Variants in PHKA2 observed in about 807,000 individuals in gnomAD.
PHKA2 encodes the protein phosphorylase kinase regulatory subunit alpha 2.
A neutral mutation model predicts 102.0 loss-of-function variants in PHKA2; 31 were observed. The ratio of observed to expected loss-of-function variants is 0.30; its 90% CI spans 0.23 to 0.41. The LOEUF (loss-of-function observed/expected upper bound fraction) is 0.41, where lower values mean the gene tolerates loss of function less well. PHKA2 is among the 10% of genes least tolerant of loss of function. The pLI is 1.00. For missense variants in PHKA2, 858 were observed against 1,023.1 expected (o/e 0.84, Z 2.20); for synonymous variants, 455 against 416.2 (o/e 1.09, Z -1.13).
In PHKA2 at chrX:18,892,706, T is replaced by TAAAC. The variant is rs1229702309; in HGVS notation, c.*775_*778dup. 7 of 111,277 alleles carry TAAAC rather than the reference T, an allele frequency of 6.3e-5. No individual in the cohort carries two copies. Among genetic ancestry groups the TAAAC allele is most frequent in the Non-Finnish European group, 9.3e-5 (5 of 53,543 alleles). 9.2% of individuals were successfully genotyped at this position (111,277 alleles called of 1,213,427 possible). On this transcript the variant is annotated 3_prime_UTR_variant, in exon 33 of 33. Coordinates refer to ENST00000379942, the MANE Select transcript of PHKA2 (RefSeq NM_000292.3). ...CGAGCGGGGACAACAGGTCTAGCCC[T>TAAAC]AAACAACTGCTTGCCTGGCTATAAG...
Position 18,948,732 on chromosome X carries a change from G to T in PHKA2, c.537+12C>A, listed in dbSNP as rs777999140. The T allele has an allele frequency of 1.8e-6, 2 of 1,090,964 alleles. No individual in the cohort carries two copies. The highest frequency in any genetic ancestry group is 2.5e-6 in the Non-Finnish European group (2 of 788,543). The allele number at this position is 1,090,964 out of a possible 1,213,427, so 89.9% of individuals were successfully genotyped here. ...TGGAACATCTGAAAAGACTACCAGG[G>T]TTGATACTTACAGCGACTTTATATG... On this transcript the variant is annotated intron_variant, in intron 5 of 32. Coordinates refer to ENST00000379942, the MANE Select transcript of PHKA2 (RefSeq NM_000292.3).
intron 1 of PHKA2, among the ~76,000 whole-genome samples, chrX:18,975,596 G>A (rs2049077755): frequency 8.9e-6 from 1 of 112,324 alleles, no homozygotes; most frequent in Non-Finnish European, 1.9e-5. Flanking sequence ...CTCCATTGCA[G>A]TAAATGGTAA....
At chrX:18,946,730 T>C (rs1204879932) in intron 5 of PHKA2, among the ~76,000 whole-genome samples, 1 of 110,395 alleles carries the variant, frequency 9.1e-6, no homozygotes, top group African/African-American at 3.3e-5. Flanking sequence ...ATCTCCTCCC[T>C]TCTGCTGATC....
chrX:18,967,192 T>C, intron 1 of PHKA2, among the ~76,000 whole-genome samples: 1 of 111,115 alleles, frequency 9.0e-6, no homozygotes, highest in Non-Finnish European at 1.9e-5. Flanking sequence ...GGGTCACTCT[T>C]GACAGAGAGG....
chrX:18,931,504 G>A (rs890514258), intron 12 of PHKA2, 137 bp downstream of exon 12: 2 of 556,193 alleles, frequency 3.6e-6, no homozygotes, highest in South Asian at 2.3e-5. Flanking sequence ...GAGCCAACAC[G>A]GTCCAGTTGA....
chrX:18,894,900 CAA>C, intron 31 of PHKA2: 2 of 438,591 alleles, frequency 4.6e-6, no homozygotes, highest in Non-Finnish European at 4.0e-6. Flanking sequence ...CTGGCAAATG[CAA>C]AGAGCTTGCT....
intron 13 of PHKA2, 26 bp from the exon 14 acceptor site, chrX:18,926,613 G>T (rs769415402): frequency 8.4e-7 from 1 of 1,193,701 alleles, no homozygotes; most frequent in Non-Finnish European, 1.1e-6. Flanking sequence ...CAGAATGAGC[G>T]TTAGCTCATG....
At chrX:18,909,509 T>C (rs1486989559) in intron 20 of PHKA2, among the ~76,000 whole-genome samples, 1 of 111,920 alleles carries the variant, frequency 8.9e-6, no homozygotes, top group Non-Finnish European at 1.9e-5. Flanking sequence ...AAATAGCCCA[T>C]ATCACCAGAG....
intron 11 of PHKA2, among the ~76,000 whole-genome samples, chrX:18,932,208 G>A (rs1427609604): frequency 8.9e-6 from 1 of 112,210 alleles, no homozygotes; most frequent in Non-Finnish European, 1.9e-5. Flanking sequence ...ATTTACCGAG[G>A]AAAAACACTT....
At chrX:18,907,605 G>T (rs1196509598) in intron 22 of PHKA2, among the ~76,000 whole-genome samples, 1 of 111,775 alleles carries the variant, frequency 8.9e-6, no homozygotes, top group Non-Finnish European at 1.9e-5. Flanking sequence ...TACTGTGGAT[G>T]TGTGAAAAAA....
At chrX:18,975,935 C>A (rs1465319639) in intron 1 of PHKA2, among the ~76,000 whole-genome samples, 1 of 105,676 alleles carries the variant, frequency 9.5e-6, no homozygotes, top group Non-Finnish European at 1.9e-5. Flanking sequence ...CCTCTCAGGG[C>A]TTCCCTTCTC....
intron 30 of PHKA2, 58 bp from the exon 31 acceptor site, chrX:18,895,249 TGCAC>T: frequency 9.5e-7 from 1 of 1,053,761 alleles, no homozygotes; most frequent in Non-Finnish European, 1.3e-6. Flanking sequence ...AGCACATGCA[TGCAC>T]ACACAGGCGT....
intron 15 of PHKA2, among the ~76,000 whole-genome samples, chrX:18,925,455 T>A (rs1266767378): frequency 2.7e-5 from 3 of 112,173 alleles, no homozygotes; most frequent in Non-Finnish European, 3.8e-5. Flanking sequence ...TGAATTTCAC[T>A]AATATTCATG....
chrX:18,948,469 G>C (rs1275826568), intron 5 of PHKA2, among the ~76,000 whole-genome samples: 1 of 111,598 alleles, frequency 9.0e-6, no homozygotes, highest in Admixed American at 9.5e-5. Flanking sequence ...GCGAGACTCT[G>C]TTTAAAAATA....
chrX:18,963,351 G>A (rs1272010867), intron 1 of PHKA2, among the ~76,000 whole-genome samples: 1 of 112,188 alleles, frequency 8.9e-6, no homozygotes, highest in Non-Finnish European at 1.9e-5. Flanking sequence ...GGAAAAGCTT[G>A]CTTTCTGTGG....
intron 30 of PHKA2, 140 bp from the exon 31 acceptor site, chrX:18,895,331 G>GTTAT (rs1422861402): frequency 7.1e-6 from 4 of 560,576 alleles, no homozygotes; most frequent in Non-Finnish European, 9.4e-6. Context: ...GACTGTCAGA[G>GTTAT]TTATTTTTAG....
chrX:18,973,149 CCCA>C (rs779079136), intron 1 of PHKA2, among the ~76,000 whole-genome samples: 285 of 110,863 alleles, frequency 2.6e-3, no homozygotes, highest in Non-Finnish European at 4.4e-3. Context: ...ATTACAGGCG[CCCA>C]CCACCACATC....
chrX:18,949,660 C>T (rs1048714192), intron 4 of PHKA2, among the ~76,000 whole-genome samples: 3 of 112,089 alleles, frequency 2.7e-5, no homozygotes, highest in Non-Finnish European at 3.8e-5. Flanking sequence ...CTTGTTATAA[C>T]GCTACGTAAT....
Position 18,893,600 on chromosome X carries a change from T to C in PHKA2, c.3593A>G (p.His1198Arg). 8.3e-7 allele frequency: 1 copy of C among 1,211,564 alleles called. No homozygotes were observed. The highest frequency in any genetic ancestry group is 3.0e-5 in the East Asian group (1 of 33,848). The change falls in exon 33 of 33, where the codon CAC (histidine) becomes CGC (arginine). Residue 1198 changes from histidine (H) to arginine (R), a missense_variant. Physicochemically the swap from His to Arg is conservative, Grantham distance 29. This residue lies in a region of PHKA2 where 671 missense variants were observed against 745.2 expected (regional missense o/e 0.90). Transcript: ENST00000379942. The part of the protein sequence containing the change: ...LEKDQATGIC[H>R]FFYDSAPSGA... ...ACTCGGAGCGCTGTCATAAAAGAAG[T>C]GGCAGATTCCTGTGGCTTGGTCTTT... is the stretch of plus-strand genomic sequence containing the variant.
Sources: gnomAD v4.1 joint callset for allele counts (sites outside exome capture counted in the v4.1 genomes callset) on GRCh38, gnomAD v4.1.1 for gene constraint, gnomAD v4.1.1 regional missense constraint, MANE v1.5 for transcripts, NCBI Gene and HGNC (gene_info 2026-07-23, HGNC 2026-07-21) for gene names.